Variants in PKN2 observed in about 807,000 individuals in gnomAD.
The protein encoded by PKN2 is serine/threonine-protein kinase N2.
PKN2 carries 38 observed loss-of-function variants against 119.1 expected under a neutral mutation model. The observed-to-expected ratio is 0.32, with a 90% CI of 0.25 to 0.42. The LOEUF is 0.42. Among genes scored for constraint, PKN2 ranks in the 10% least tolerant of loss-of-function variants. The probability of loss-of-function intolerance (pLI) is 1.00; values close to 1 mark genes in which losing one functional copy is unlikely to be tolerated. For missense variants in PKN2, 850 were observed against 1,165.1 expected (o/e 0.73, Z 3.94); for synonymous variants, 390 against 384.9 (o/e 1.01, Z -0.15).
Position 88,760,272 on chromosome 1 carries a change from A to G in PKN2, c.400A>G (p.Ser134Gly). 1 of 1,579,962 alleles carries G rather than the reference A, an allele frequency of 6.3e-7. No individual in the cohort carries two copies. Among genetic ancestry groups the G allele is most frequent in the Non-Finnish European group, 8.7e-7 (1 of 1,151,316 alleles). ...AAATAATGACCCTCGTTGTTCTACTAGCAACAATAGATTGAAGGCCTTACA... is the reference window on the plus strand; with the variant it reads ...AAATAATGACCCTCGTTGTTCTACTGGCAACAATAGATTGAAGGCCTTACA... ...TPNNDPRCST[S>G]NNRLKALQKQ... Residue 134 changes from serine to glycine, a missense_variant, in exon 3 of 22, where the codon AGC becomes GGC. Ser to Gly is a moderately conservative substitution (Grantham distance 56). Coordinates refer to ENST00000370521, the MANE Select transcript of PKN2 (RefSeq NM_006256.4).
intron 18 of PKN2, among the ~76,000 whole-genome samples, chr1:88,827,695 A>T (rs1263830079): frequency 7.3e-6 from 1 of 136,186 alleles, no homozygotes; most frequent in Non-Finnish European, 1.5e-5. Flanking sequence ...TATATATAAT[A>T]TATATTGAGA....
Position 88,749,983 on chromosome 1 carries a change from A to G in PKN2, c.349+8695A>G, listed in dbSNP as rs375332189. On this transcript the variant is annotated intron_variant, in intron 2 of 21. Coordinates refer to ENST00000370521, the MANE Select transcript of PKN2 (RefSeq NM_006256.4). ...TGCTATAAAATAAAGACCAAAGGTT[A>G]TATCATCTGAGATGTCATTCAGCTG... Among the ~76,000 whole-genome samples the G allele has an allele frequency of 4.6e-5, 7 of 152,218 alleles. No homozygotes were observed. In the East Asian group the frequency reaches 1.3e-3, roughly 29 times the overall value.
intron 2 of PKN2, among the ~76,000 whole-genome samples, chr1:88,744,027 G>A (rs1270004602): frequency 2.6e-5 from 4 of 151,938 alleles, no homozygotes; most frequent in African/African-American, 7.3e-5. Context: ...TTTGCAAATG[G>A]CATATTTACA....
intron 6 of PKN2, among the ~76,000 whole-genome samples, chr1:88,782,622 A>AT (rs140964855): frequency 1.5e-4 from 22 of 148,144 alleles, no homozygotes; most frequent in South Asian, 1.3e-3. Context: ...CATCCAGTGT[A>AT]TTTTTTTTTT....
chr1:88,753,140 A>G (rs1412097461), intron 2 of PKN2, among the ~76,000 whole-genome samples: 1 of 152,148 alleles, frequency 6.6e-6, no homozygotes, highest in Non-Finnish European at 1.5e-5. Context: ...CCTACACCCT[A>G]GCTTATATTT....
At chr1:88,709,722 A>G (rs1667147681) in intron 1 of PKN2, among the ~76,000 whole-genome samples, 1 of 152,172 alleles carries the variant, frequency 6.6e-6, no homozygotes, top group Non-Finnish European at 1.5e-5. Flanking sequence ...AACAGCATAC[A>G]TGTTATTATT....
chr1:88,799,406 T>TTA (rs769633059), intron 8 of PKN2, among the ~76,000 whole-genome samples: 1 of 152,158 alleles, frequency 6.6e-6, no homozygotes, highest in Non-Finnish European at 1.5e-5. Context: ...AAAACATATA[T>TTA]TATTGTTTCT....
At chr1:88,722,689 G>A (rs1208432211) in intron 1 of PKN2, among the ~76,000 whole-genome samples, 5 of 151,830 alleles carry the variant, frequency 3.3e-5, no homozygotes, top group Non-Finnish European at 7.4e-5. Flanking sequence ...AAGCTGAGGT[G>A]GGAGGATCAC....
In PKN2 at chr1:88,813,608, C is replaced by CAT. The variant is rs1186821822; in HGVS notation, c.2154_2155insAT (p.Phe719IlefsTer4). ...AAACTGTGAATAGTGTAAGGCATCC[C>CAT]TTTTTGGTGAACCTTTTTGCATGTT... is the stretch of plus-strand genomic sequence containing the variant. On this transcript the variant is annotated frameshift_variant, in exon 16 of 22. Coordinates refer to ENST00000370521, the MANE Select transcript of PKN2 (RefSeq NM_006256.4). LOFTEE classifies it high-confidence loss of function. 6.2e-7 allele frequency: 1 copy of CAT among 1,609,848 alleles called. No homozygotes were observed. The highest frequency in any genetic ancestry group is 1.7e-5 in the Admixed American group (1 of 59,120).
At chr1:88,692,073 A>G (rs948420747) in intron 1 of PKN2, among the ~76,000 whole-genome samples, 2 of 152,166 alleles carry the variant, frequency 1.3e-5, no homozygotes, top group Non-Finnish European at 2.9e-5. Flanking sequence ...AAATCTAAAC[A>G]TCTTTTAGTT....
intron 2 of PKN2, among the ~76,000 whole-genome samples, chr1:88,753,383 G>A (rs1041812486): frequency 4.6e-5 from 7 of 152,008 alleles, no homozygotes; most frequent in Non-Finnish European, 8.8e-5. Flanking sequence ...TAATAAGTCT[G>A]TGAAAAACTC....
chr1:88,785,939 T>G (rs1010019855), intron 7 of PKN2, among the ~76,000 whole-genome samples, 165 bp from the exon 8 acceptor site: 31 of 152,348 alleles, frequency 2.0e-4, no homozygotes, highest in Middle Eastern at 6.8e-3. Flanking sequence ...TAGGAGTATA[T>G]GTATCTGTAA....
Position 88,834,537 on chromosome 1 carries a change from G to A in PKN2, c.*1089G>A, listed in dbSNP as rs1218798828. 1 of 152,434 alleles carries A rather than the reference G, an allele frequency of 6.6e-6. No homozygotes were observed. Among genetic ancestry groups the A allele is most frequent in the Admixed American group, 6.6e-5 (1 of 15,228 alleles). 9.4% of individuals were successfully genotyped at this position (152,434 alleles called of 1,614,324 possible). A position where few individuals can be genotyped will look rare whatever the true frequency, so the allele number is the denominator to read the frequency against. ...TCCAGCATTTACATTAAGTGCATTT[G>A]TACATTTTAGGCCACTGGATCCAGA... is the stretch of plus-strand genomic sequence containing the variant. On this transcript the variant is annotated 3_prime_UTR_variant, in exon 22 of 22. Transcript: ENST00000370521.
At chr1:88,700,446 C>T (rs908949984) in intron 1 of PKN2, among the ~76,000 whole-genome samples, 25 of 152,118 alleles carry the variant, frequency 1.6e-4, no homozygotes, top group African/African-American at 5.6e-4. Flanking sequence ...ATTACCTGAC[C>T]TACTTCGTTT....
intron 16 of PKN2, among the ~76,000 whole-genome samples, chr1:88,820,811 TCCTAAGG>T (rs1011960264): frequency 6.6e-6 from 1 of 152,208 alleles, no homozygotes; most frequent in African/African-American, 2.4e-5. Flanking sequence ...AAACTAATTA[TCCTAAGG>T]GTCTGTTCAT....
chr1:88,757,426 T>C (rs1669249491), intron 2 of PKN2, among the ~76,000 whole-genome samples: 1 of 152,168 alleles, frequency 6.6e-6, no homozygotes, highest in Admixed American at 6.5e-5. Flanking sequence ...AGCCTTAATA[T>C]CTATATTTTT....
intron 8 of PKN2, among the ~76,000 whole-genome samples, chr1:88,797,648 A>AT (rs1671141640): frequency 6.6e-6 from 1 of 151,706 alleles, no homozygotes; most frequent in Non-Finnish European, 1.5e-5. Context: ...AAAAAAAAAA[A>AT]AAAAGAGAGA....
intron 2 of PKN2, among the ~76,000 whole-genome samples, chr1:88,759,098 C>G (rs1030735205): frequency 1.3e-5 from 2 of 152,220 alleles, no homozygotes; most frequent in Non-Finnish European, 2.9e-5. Context: ...GGTGCAGTGG[C>G]TTACGCCTGT....
At chr1:88,806,529 C>T (rs1422538706) in intron 12 of PKN2, among the ~76,000 whole-genome samples, 1 of 152,054 alleles carries the variant, frequency 6.6e-6, no homozygotes, top group African/African-American at 2.4e-5. Context: ...TAGGAGACAA[C>T]CAACTTCTTA....
Sources: gnomAD v4.1 joint callset for allele counts (sites outside exome capture counted in the v4.1 genomes callset) on GRCh38, gnomAD v4.1.1 for gene constraint, MANE v1.5 for transcripts, NCBI Gene and HGNC (gene_info 2026-07-23, HGNC 2026-07-21) for gene names.